Variants in SARDH observed in about 807,000 individuals in gnomAD.
The protein encoded by SARDH is sarcosine dehydrogenase.
SARDH carries 95 observed loss-of-function variants against 109.1 expected under a neutral mutation model. The observed-to-expected ratio is 0.87, with a 90% CI of 0.74 to 1.03. The LOEUF (loss-of-function observed/expected upper bound fraction) is 1.03, where lower values mean the gene tolerates loss of function less well. SARDH is among the 50% of genes least tolerant of loss of function. The probability of loss-of-function intolerance (pLI) is 0.00; values close to 1 mark genes in which losing one functional copy is unlikely to be tolerated. For missense variants in SARDH, 1,267 were observed against 1,287.8 expected, an observed-to-expected ratio of 0.98 and a Z score of 0.25; for synonymous variants, 572 against 534.8, an observed-to-expected ratio of 1.07 and a Z score of -0.96.
chr9:133,680,452 T>C (rs929842875), intron 17 of SARDH, among the ~76,000 whole-genome samples: 1 of 152,232 alleles, frequency 6.6e-6, no homozygotes, highest in African/African-American at 2.4e-5. Context: ...GAGGGCACTG[T>C]GTCCCAGGCT....
At chr9:133,688,421 C>A (rs1351253863) in intron 16 of SARDH, among the ~76,000 whole-genome samples, 1 of 151,910 alleles carries the variant, frequency 6.6e-6, no homozygotes, top group African/African-American at 2.4e-5. Context: ...CAACGCCAAA[C>A]CCTCGCCCGT....
At chr9:133,713,647 C>T (rs1426784715) in intron 8 of SARDH, among the ~76,000 whole-genome samples, 4 of 152,256 alleles carry the variant, frequency 2.6e-5, no homozygotes, top group Non-Finnish European at 5.9e-5. Flanking sequence ...GGGGAGGAGA[C>T]CAATGTCCCA....
At chr9:133,705,213 A>G (rs566198153) in intron 11 of SARDH, among the ~76,000 whole-genome samples, 182 bp from the exon 12 acceptor site, 1 of 152,044 alleles carries the variant, frequency 6.6e-6, no homozygotes, top group African/African-American at 2.4e-5. Context: ...GAGAACCCCT[A>G]TGTGTAGAAT....
chr9:133,680,821 A>G (rs1830671588), intron 17 of SARDH, among the ~76,000 whole-genome samples: 1 of 152,234 alleles, frequency 6.6e-6, no homozygotes. Context: ...TGGCCACTCC[A>G]GAGAGCTGCC....
At chr9:133,716,006 G>A (rs900452899) in intron 8 of SARDH, among the ~76,000 whole-genome samples, 1 of 152,242 alleles carries the variant, frequency 6.6e-6, no homozygotes, top group Non-Finnish European at 1.5e-5. Context: ...GAAGCAGTGG[G>A]GAACACCATG....
chr9:133,731,252 G>C (rs1442866886), intron 4 of SARDH, 53 bp downstream of exon 4: 2 of 1,597,736 alleles, frequency 1.3e-6, no homozygotes, highest in African/African-American at 1.3e-5. Context: ...GGGTTCTAAG[G>C]CAGGAGGAGT....
At chr9:133,673,297 C>T (rs1297041288) in intron 17 of SARDH, among the ~76,000 whole-genome samples, 1 of 152,254 alleles carries the variant, frequency 6.6e-6, no homozygotes, top group Non-Finnish European at 1.5e-5. Context: ...TCAGGCAAAC[C>T]GTTGAACCCA....
intron 14 of SARDH, among the ~76,000 whole-genome samples, chr9:133,696,019 G>A (rs1831273903): frequency 6.6e-6 from 1 of 151,708 alleles, no homozygotes; most frequent in African/African-American, 2.4e-5. Flanking sequence ...AGGCAGGAGG[G>A]AGAGGTGGAG....
At position 133,734,123 on chromosome 9, in the gene SARDH, C is replaced by G; in HGVS notation, c.51G>C (p.Gln17His). The change falls in exon 2 of 21, where the codon CAG (glutamine) becomes CAC (histidine). Residue 17 changes from glutamine to histidine, a missense_variant. Coordinates refer to ENST00000439388, the MANE Select transcript of SARDH (RefSeq NM_001134707.2). ...ATGGCCCCATGCCCCGGGTAGGGCT[C>G]TGGCGAGGGTGGGCAGCAGCCACAC... ...ALRVAAAHPR[Q>H]SPTRGMGPCN... 3.7e-6 allele frequency: 6 copies of G among 1,610,604 alleles called. No homozygotes were observed. Among genetic ancestry groups the G allele is most frequent in the Non-Finnish European group, 5.1e-6 (6 of 1,178,958 alleles).
intron 10 of SARDH, among the ~76,000 whole-genome samples, chr9:133,708,927 C>T (rs1338455747): frequency 6.6e-6 from 1 of 152,152 alleles, no homozygotes. Context: ...CCTTTCCACC[C>T]GCCAGCAGGG....
chr9:133,683,022 C>A (rs1359878334), intron 17 of SARDH, among the ~76,000 whole-genome samples: 3 of 152,240 alleles, frequency 2.0e-5, no homozygotes, highest in Non-Finnish European at 2.9e-5. Flanking sequence ...GCGGCCCCTG[C>A]ACCCCCTGCA....
At chr9:133,714,127 G>A (rs1291327491) in intron 8 of SARDH, among the ~76,000 whole-genome samples, 4 of 152,194 alleles carry the variant, frequency 2.6e-5, no homozygotes, top group African/African-American at 9.7e-5. Flanking sequence ...GGGACCCCAG[G>A]GCACTTCGTT....
chr9:133,721,819 G>T (rs1170296560), intron 6 of SARDH, among the ~76,000 whole-genome samples: 3 of 152,150 alleles, frequency 2.0e-5, no homozygotes, highest in Admixed American at 2.0e-4. Context: ...TAAGAGAGAT[G>T]ATACACCATG....
chr9:133,691,846 T>C (rs1388618174), intron 15 of SARDH, among the ~76,000 whole-genome samples: 2 of 151,988 alleles, frequency 1.3e-5, no homozygotes, highest in African/African-American at 4.8e-5. Context: ...TCCTGTTGAG[T>C]GGTGTCCCCA....
In SARDH at chr9:133,718,579, C is replaced by T; in HGVS notation, c.1020+359G>A. Reference sequence around the variant, plus strand: ...CCCCAGAAGCTGCCCGGGAAACAGCCCAGGCCAGGGGAAATGCCGCTGCAG... The same window carrying T: ...CCCCAGAAGCTGCCCGGGAAACAGCTCAGGCCAGGGGAAATGCCGCTGCAG... On this transcript the variant is annotated intron_variant, in intron 7 of 20. Coordinates refer to ENST00000439388, the MANE Select transcript of SARDH (RefSeq NM_001134707.2). This position sits in a 1 kb window ranked among gnomAD's most constrained non-coding sequence, Gnocchi z 4.2. The T allele has an allele frequency of 1.3e-6, 1 of 751,006 alleles. No individual in the cohort carries two copies. 46.5% of individuals were successfully genotyped at this position (751,006 alleles called of 1,614,324 possible).
rs1357649549 is a variant in SARDH, at chr9:133,704,667, G to A, written c.1554+281C>T. Among the ~76,000 whole-genome samples, 1 of 152,216 alleles carries A rather than the reference G, an allele frequency of 6.6e-6. No homozygotes were observed. Among genetic ancestry groups the A allele is most frequent in the Non-Finnish European group, 1.5e-5 (1 of 68,042 alleles). On this transcript the variant is annotated intron_variant, in intron 12 of 20. Transcript: ENST00000439388. This position sits in a 1 kb window ranked among gnomAD's most constrained non-coding sequence, Gnocchi z 4.5. ...CACCGCAGGACACCCCTTCTGCTCT[G>A]CCTACAGCCCTTCCCACTTAGGCCA...
At chr9:133,700,318 C>T (rs1451821055) in intron 13 of SARDH, among the ~76,000 whole-genome samples, 1 of 151,306 alleles carries the variant, frequency 6.6e-6, no homozygotes, top group Admixed American at 6.6e-5. Context: ...CAGAGCAAGA[C>T]CCCATCTCAA....
intron 2 of SARDH, 133 bp from the exon 3 acceptor site, chr9:133,732,734 G>A: frequency 1.0e-6 from 1 of 998,782 alleles, no homozygotes; most frequent in Non-Finnish European, 1.4e-6. Flanking sequence ...TGCAGGACCT[G>A]GGGGGCCTGG....
downstream of SARDH, among the ~76,000 whole-genome samples, chr9:133,661,927 G>A (rs1381602653): frequency 2.6e-5 from 4 of 152,226 alleles, no homozygotes; most frequent in Non-Finnish European, 4.4e-5. Context: ...TGGAAGACCT[G>A]GCTCGGGGTC....
Sources: allele counts gnomAD v4.1 joint callset (sites outside exome capture counted in the v4.1 genomes callset), GRCh38; gene constraint gnomAD v4.1.1; non-coding constraint Gnocchi (gnomAD v3.1); transcripts MANE v1.5; gene names NCBI Gene and HGNC (gene_info 2026-07-23, HGNC 2026-07-21).